Variants in CROCC2 observed in about 807,000 individuals in gnomAD.
The protein encoded by CROCC2 is ciliary rootlet coiled-coil, rootletin family member 2.
Under a neutral mutation model 177.6 loss-of-function variants are expected in CROCC2, and 163 were observed. The ratio of observed to expected loss-of-function variants is 0.92; its 90% CI spans 0.81 to 1.05. The LOEUF (loss-of-function observed/expected upper bound fraction) is 1.05. Ranked by LOEUF, CROCC2 falls within the 50% of genes least tolerant of loss-of-function variation. The pLI is 0.00. For synonymous variants in CROCC2, 904 were observed against 787.3 expected, an observed-to-expected ratio of 1.15 and a Z score of -2.48; for missense variants, 1,929 against 1,797.8, an observed-to-expected ratio of 1.07 and a Z score of -1.32.
chr2:240,919,947 G>A (rs1278481670), intron 2 of CROCC2, 36 bp from the exon 3 acceptor site: 2 of 714,252 alleles, frequency 2.8e-6, no homozygotes, highest in Non-Finnish European at 5.2e-6. Flanking sequence ...GGTGGGCCCT[G>A]GTCTGGCCAC....
chr2:240,910,371 A>T (rs966713042), intron 1 of CROCC2, among the ~76,000 whole-genome samples: 4 of 151,568 alleles, frequency 2.6e-5, no homozygotes, highest in Non-Finnish European at 1.5e-5. Flanking sequence ...GGCTCCTCAG[A>T]CTCCCGTTCC....
chr2:240,928,538 C>T (rs1174419213), intron 5 of CROCC2, among the ~76,000 whole-genome samples: 7 of 152,134 alleles, frequency 4.6e-5, no homozygotes, highest in Admixed American at 4.6e-4. Context: ...GCCAGCCCAG[C>T]CCTGCATTCA....
rs145636556 is a variant in CROCC2, at chr2:240,921,115, T to C, written c.381+981T>C. Among the ~76,000 whole-genome samples, 16 of 152,312 alleles carry C rather than the reference T, an allele frequency of 1.1e-4. No individual in the cohort carries two copies. In the East Asian group the frequency reaches 3.1e-3, roughly 29 times the overall value. On this transcript the variant is annotated intron_variant, in intron 3 of 31. Transcript: ENST00000690015. ...CCCTGAAGCAGATCTGGCCCCTTCT[T>C]AGTCACCTGACCAGTGGCCAGTACT...
intron 26 of CROCC2, chr2:240,967,669 A>C (rs563024699): frequency 2.5e-6 from 2 of 785,090 alleles, no homozygotes; most frequent in African/African-American, 1.9e-5. Flanking sequence ...CTTCCCCAGC[A>C]CAGAGGAGTG....
chr2:240,913,445 G>T (rs1305065501), intron 1 of CROCC2, among the ~76,000 whole-genome samples: 1 of 152,214 alleles, frequency 6.6e-6, no homozygotes, highest in Admixed American at 6.5e-5. Flanking sequence ...TGCCATTGGT[G>T]ATTCGGACCT....
Position 240,933,738 on chromosome 2 carries a change from A to G in CROCC2, c.1532A>G (p.Lys511Arg). ...AAGGCAGATGCTGCAGATGCGGAGA[A>G]GCAGGGGCTGGAGGCCGAGGCTGCA... ...KGKADAADAEKQGLEAEAAEL... is the reference protein window; with the variant it reads ...KGKADAADAERQGLEAEAAEL... Residue 511 changes from lysine to arginine, a missense_variant, in exon 11 of 32, where the codon AAG becomes AGG. Transcript: ENST00000690015. 6.5e-7 allele frequency: 1 copy of G among 1,550,192 alleles called. No homozygotes were observed. Among genetic ancestry groups the G allele is most frequent in the Non-Finnish European group, 8.7e-7 (1 of 1,146,852 alleles).
chr2:240,971,616 G>A lies in CROCC2; in HGVS notation c.4401+3354G>A, dbSNP rs531311363. ...AATGTCACCAAAATGTGGGCGTGTC[G>A]GCCCCTTTCATTATTTTTACCTACC... On this transcript the variant is annotated intron_variant, in intron 27 of 31. Coordinates refer to ENST00000690015, the MANE Select transcript of CROCC2 (RefSeq NM_001351305.2). Among the ~76,000 whole-genome samples, 8 of 152,080 alleles carry A rather than the reference G, an allele frequency of 5.3e-5. No homozygotes were observed. The South Asian group carries it at 1.0e-3, about 20-fold the overall frequency.
intron 1 of CROCC2, among the ~76,000 whole-genome samples, chr2:240,911,094 G>A (rs2059284900): frequency 6.6e-6 from 1 of 151,946 alleles, no homozygotes. Context: ...TCGCACCACT[G>A]TACTCCAGCC....
At position 240,991,186 on chromosome 2, in the gene CROCC2, C is replaced by T. The variant is rs1480511336; in HGVS notation, c.4864-10C>T. 1 of 1,541,774 alleles carries T rather than the reference C, an allele frequency of 6.5e-7. No individual in the cohort carries two copies. On this transcript the variant is annotated splice_polypyrimidine_tract_variant and intron_variant, in intron 30 of 31. Transcript: ENST00000690015. ...TGCCCACCTGACCTGAGCCACTGTC[C>T]TGTCCCCAGGTGGCCAGCCTGAAGG...
chr2:240,923,166 C>T (rs1299876901), intron 4 of CROCC2, among the ~76,000 whole-genome samples: 1 of 152,060 alleles, frequency 6.6e-6, no homozygotes, highest in Non-Finnish European at 1.5e-5. Context: ...TGCCATCCTC[C>T]CTGCCACGGG....
rs193182530 is a variant in CROCC2 at position 240,961,427 on chromosome 2, G to A, written c.3087+1983G>A. Among the ~76,000 whole-genome samples, 18 of 151,736 alleles carry A rather than the reference G, an allele frequency of 1.2e-4. 2 individuals carry two copies. Among genetic ancestry groups the A allele is most frequent in the African/African-American group, 3.9e-4 (16 of 41,338 alleles). ...AGAAACGTGCACCAAGCACACACAC[G>A]CATGTGTGCGCACACATGCACATAC... On this transcript the variant is annotated intron_variant, in intron 20 of 31. Transcript: ENST00000690015.
chr2:240,931,462 A>G (rs2059430626), intron 7 of CROCC2, among the ~76,000 whole-genome samples: 1 of 152,176 alleles, frequency 6.6e-6, no homozygotes, highest in Non-Finnish European at 1.5e-5. Context: ...GCAAGAGCTC[A>G]CCTTAGGTAA....
At chr2:240,990,307 CA>C (rs1278866414) in intron 30 of CROCC2, among the ~76,000 whole-genome samples, 2 of 152,202 alleles carry the variant, frequency 1.3e-5, no homozygotes, top group African/African-American at 4.8e-5. Context: ...GAAGCATAGC[CA>C]AGCCTTGGGC....
intron 14 of CROCC2, among the ~76,000 whole-genome samples, chr2:240,943,768 C>T (rs1051958290): frequency 6.6e-6 from 1 of 152,198 alleles, no homozygotes; most frequent in Non-Finnish European, 1.5e-5. Context: ...GCATTAGCCA[C>T]CAAGCCCGGC....
Position 240,965,633 on chromosome 2 carries a change from C to T in CROCC2, c.3604-3C>T. ...CGGGCGCACCCCAACATCCCTCCTA[C>T]AGGTCCTGGGATTGCAGAGGAAGTT... On this transcript the variant is annotated splice_region_variant and splice_polypyrimidine_tract_variant and intron_variant, in intron 23 of 31. Coordinates refer to ENST00000690015, the MANE Select transcript of CROCC2 (RefSeq NM_001351305.2). 2 of 1,550,542 alleles carry T rather than the reference C, an allele frequency of 1.3e-6. No individual in the cohort carries two copies. The highest frequency in any genetic ancestry group is 1.7e-6 in the Non-Finnish European group (2 of 1,146,920).
intron 11 of CROCC2, 85 bp downstream of exon 11, chr2:240,933,937 CG>C: frequency 7.1e-7 from 1 of 1,403,778 alleles, no homozygotes; most frequent in East Asian, 2.5e-5. Flanking sequence ...CCTTGGGCCA[CG>C]GGTCTGCTTT....
intron 25 of CROCC2, 129 bp from the exon 26 acceptor site, chr2:240,967,216 A>ACTGCC (rs1335313516): frequency 7.5e-6 from 3 of 398,722 alleles, no homozygotes; most frequent in East Asian, 7.2e-5. Flanking sequence ...CACACCACCC[A>ACTGCC]CTGCCCTGCC....
rs998359317 is a variant in CROCC2 at position 240,953,666 on chromosome 2, G to A, written c.2830-2193G>A. ...TTGAGTGGAGAAGTGGGGCTGCGGG[G>A]TCTAGCAGGACACTTCCCCACACTT... On this transcript the variant is annotated intron_variant, in intron 18 of 31. Transcript: ENST00000690015. This position sits in a 1 kb window ranked among gnomAD's most constrained non-coding sequence, Gnocchi z 4.0. 1.3e-5 allele frequency among the ~76,000 whole-genome samples: 2 copies of A among 152,166 alleles called. No homozygotes were observed. Among genetic ancestry groups the A allele is most frequent in the African/African-American group, 4.8e-5 (2 of 41,452 alleles).
Position 240,931,079 on chromosome 2 carries a change from C to T in CROCC2, c.898C>T (p.Leu300=), listed in dbSNP as rs1266461299. The T allele has an allele frequency of 1.4e-6, 1 of 715,972 alleles. No individual in the cohort carries two copies. Among genetic ancestry groups the T allele is most frequent in the Admixed American group, 2.0e-5 (1 of 49,968 alleles). 44.4% of individuals were successfully genotyped at this position (715,972 alleles called of 1,614,324 possible). The change falls in exon 7 of 32, where the codon CTG becomes TTG. Residue 300 remains leucine, a synonymous_variant. Transcript: ENST00000690015. ...QQLRDKAGEM[L]QLQGRWDAEK... is the part of the protein sequence containing the mutation. ...GCTTCGGGACAAGGCTGGGGAGATGCTGCAGCTGCAGGGCCGCTGGGACGC... is the reference window on the plus strand; with the variant it reads ...GCTTCGGGACAAGGCTGGGGAGATGTTGCAGCTGCAGGGCCGCTGGGACGC...
Sources: gnomAD v4.1 joint callset for allele counts (sites outside exome capture counted in the v4.1 genomes callset) on GRCh38, gnomAD v4.1.1 for gene constraint, Gnocchi (gnomAD v3.1) non-coding constraint, MANE v1.5 for transcripts, NCBI Gene and HGNC (gene_info 2026-07-23, HGNC 2026-07-21) for gene names.